PML: variants seen among roughly 807,000 people sequenced by gnomAD.
The protein encoded by PML is PML nuclear body scaffold, also known as protein PML.
In PML, 28 loss-of-function variants were observed where a neutral mutation model predicts 65.2. That is an observed-to-expected ratio of 0.43 (90% confidence interval 0.32 to 0.59). PML has a LOEUF of 0.59. PML is among the 20% of genes least tolerant of loss of function. The pLI is 0.08. For missense variants in PML, 1,021 were observed against 1,203.4 expected, an observed-to-expected ratio of 0.85 and a Z score of 2.24; for synonymous variants, 500 against 508.8, an observed-to-expected ratio of 0.98 and a Z score of 0.23.
At position 74,035,827 on chromosome 15, in the gene PML, G is replaced by C. The variant is rs1227872070; in HGVS notation, c.1710+1297G>C. ...GTTCCCCCTGGGGACTCTGTCAGAG[G>C]CTCCATGGAGGCCTCTCAAGTCCAA... is the stretch of plus-strand genomic sequence containing the variant. On this transcript the variant is annotated intron_variant, in intron 7 of 8. Transcript: ENST00000268058. This position sits in a 1 kb window ranked among gnomAD's most constrained non-coding sequence, Gnocchi z 4.1. 6.2e-7 allele frequency: 1 copy of C among 1,613,722 alleles called. No homozygotes were observed. The highest frequency in any genetic ancestry group is 1.3e-5 in the African/African-American group (1 of 74,882).
intron 4 of PML, 120 bp from the exon 5 acceptor site, chr15:74,032,452 C>T: frequency 9.6e-7 from 1 of 1,038,490 alleles, no homozygotes; most frequent in Non-Finnish European, 1.5e-6. Context: ...AGCTTTGAGT[C>T]AGGGAGCCTG....
Position 74,043,951 on chromosome 15 carries a change from C to T in PML, c.1862-270C>T, listed in dbSNP as rs1193503041. ...AGGGACCTGTATCCATGGGGTTTGG[C>T]CAACTCTGGGGCCGGTAGTGGAGGA... On this transcript the variant is annotated intron_variant, in intron 8 of 8. Coordinates refer to ENST00000268058, the MANE Select transcript of PML (RefSeq NM_033238.3). The surrounding 1 kb of genome is among the most constrained non-coding windows in gnomAD (Gnocchi z 4.3). Among the ~76,000 whole-genome samples the T allele has an allele frequency of 1.3e-5, 2 of 152,126 alleles. No homozygotes were observed. Among genetic ancestry groups the T allele is most frequent in the African/African-American group, 2.4e-5 (1 of 41,434 alleles).
At chr15:74,039,584 A>T (rs940321341) in intron 7 of PML, among the ~76,000 whole-genome samples, 1 of 152,138 alleles carries the variant, frequency 6.6e-6, no homozygotes, top group Non-Finnish European at 1.5e-5. Flanking sequence ...AGTGATAAGG[A>T]CAATTGTTCT....
Position 74,035,343 on chromosome 15 carries a change from G to T in PML, c.1710+813G>T, listed in dbSNP as rs112272650. 6 of 1,611,758 alleles carry T rather than the reference G, an allele frequency of 3.7e-6. No homozygotes were observed. The highest frequency in any genetic ancestry group is 1.3e-5 in the African/African-American group (1 of 74,774). The stretch of plus-strand genomic sequence containing the variant: ...CCCAGCTTGGCCTCCCCACCAGCCC[G>T]CTGAGCAGGCTGCCACCCCCGATGC... On this transcript the variant is annotated intron_variant, in intron 7 of 8. Transcript: ENST00000268058. This position sits in a 1 kb window ranked among gnomAD's most constrained non-coding sequence, Gnocchi z 4.1.
intron 7 of PML, among the ~76,000 whole-genome samples, chr15:74,040,833 C>T (rs879648293): frequency 2.6e-5 from 4 of 152,144 alleles, no homozygotes; most frequent in Non-Finnish European, 4.4e-5. Flanking sequence ...TTAAAGGAGA[C>T]AGTAGAGGTT....
chr15:74,018,867 G>A (rs951381929), intron 2 of PML, among the ~76,000 whole-genome samples: 19 of 152,184 alleles, frequency 1.2e-4, no homozygotes, highest in African/African-American at 3.4e-4. Context: ...CTGAAGATAC[G>A]GTTAAGTCTG....
rs962876706 is a variant in PML, at chr15:74,047,589, C to G, written c.*2581C>G. 2 of 213,984 alleles carry G rather than the reference C, an allele frequency of 9.3e-6. No homozygotes were observed. The highest frequency in any genetic ancestry group is 9.4e-6 in the Non-Finnish European group (1 of 105,966). 13.3% of individuals were successfully genotyped at this position (213,984 alleles called of 1,614,324 possible). A position where few individuals can be genotyped will look rare whatever the true frequency, so the allele number is the denominator to read the frequency against. The stretch of plus-strand genomic sequence containing the variant: ...TCAATCCTCACTTAGTAGTCTGTGG[C>G]CCTCTTTGGCACATTAACCTCCCTC... On this transcript the variant is annotated 3_prime_UTR_variant, in exon 9 of 9. Transcript: ENST00000268058.
chr15:74,042,415 G>C lies in PML; in HGVS notation c.1711-574G>C. The C allele has an allele frequency of 1.0e-6, 1 of 985,408 alleles. No individual in the cohort carries two copies. The highest frequency in any genetic ancestry group is 1.2e-6 in the Non-Finnish European group (1 of 829,918). 61.0% of individuals were successfully genotyped at this position (985,408 alleles called of 1,614,324 possible). Reference sequence around the variant, plus strand: ...TGACTTCGGGGACAAGAAAAGGCAGGCTCCCGACCCCTTCCAAAGAATCAT... The same window carrying C: ...TGACTTCGGGGACAAGAAAAGGCAGCCTCCCGACCCCTTCCAAAGAATCAT... On this transcript the variant is annotated intron_variant, in intron 7 of 8. Coordinates refer to ENST00000268058, the MANE Select transcript of PML (RefSeq NM_033238.3). This position sits in a 1 kb window ranked among gnomAD's most constrained non-coding sequence, Gnocchi z 5.3.
intron 2 of PML, among the ~76,000 whole-genome samples, chr15:74,016,171 G>A (rs536455867): frequency 6.6e-6 from 1 of 152,246 alleles, no homozygotes; most frequent in African/African-American, 2.4e-5. Flanking sequence ...CAGCTACTCA[G>A]GAGGCTGAGG....
rs773642830 is a variant in PML at position 74,043,205 on chromosome 15, A to G, written c.1861+66A>G. On this transcript the variant is annotated intron_variant, in intron 8 of 8. Transcript: ENST00000268058. This position sits in a 1 kb window ranked among gnomAD's most constrained non-coding sequence, Gnocchi z 4.3. ...GTCTCTGAGTCCCAAAAAGAAGTGC[A>G]GGCAGAGCCATCTGCCAGGCCCAGG... 13 of 1,613,648 alleles carry G rather than the reference A, an allele frequency of 8.1e-6. No individual in the cohort carries two copies. The South Asian group carries it at 1.4e-4, about 18-fold the overall frequency.
chr15:74,036,223 G>C (rs1234321827), intron 7 of PML: 13 of 1,551,720 alleles, frequency 8.4e-6, no homozygotes, highest in Non-Finnish European at 1.1e-5. Flanking sequence ...TGTCACCCTT[G>C]CACTCTCCTG....
chr15:74,019,680 T>C (rs748535727), intron 2 of PML, among the ~76,000 whole-genome samples: 2 of 152,240 alleles, frequency 1.3e-5, no homozygotes, highest in Non-Finnish European at 2.9e-5. Context: ...CACCTTGATT[T>C]CTAACTTAAA....
intron 4 of PML, chr15:74,025,818 C>T (rs563834209): frequency 6.6e-6 from 1 of 152,304 alleles, no homozygotes; most frequent in Non-Finnish European, 1.5e-5. Context: ...CATCTGGTCT[C>T]TTCCCTAGCC....
At chr15:74,019,306 G>T (rs1212697184) in intron 2 of PML, among the ~76,000 whole-genome samples, 4 of 152,232 alleles carry the variant, frequency 2.6e-5, no homozygotes, top group Admixed American at 2.6e-4. Flanking sequence ...CTCCAAGGAA[G>T]GGGATCCAAC....
At position 74,044,328 on chromosome 15, in the gene PML, G is replaced by C. The variant is rs2071746318; in HGVS notation, c.1969G>C (p.Val657Leu). 1 of 1,614,052 alleles carries C rather than the reference G, an allele frequency of 6.2e-7. No individual in the cohort carries two copies. The highest frequency in any genetic ancestry group is 8.5e-7 in the Non-Finnish European group (1 of 1,180,022). Residue 657 changes from valine (V) to leucine (L), a missense_variant, in exon 9 of 9, where the codon GTG (valine) becomes CTG (leucine). By Grantham distance (32) the Val-to-Leu change is conservative (BLOSUM62 1). Coordinates refer to ENST00000268058, the MANE Select transcript of PML (RefSeq NM_033238.3). ...SIYSKAVSLE[V>L]GLQHFLSFLS... ...CTACTCCAAGGCCGTGTCCCTGGAGGTGGGGCTGCAGCACTTCCTCAGCTT... is the reference window on the plus strand; with the variant it reads ...CTACTCCAAGGCCGTGTCCCTGGAGCTGGGGCTGCAGCACTTCCTCAGCTT...
chr15:74,011,167 C>T (rs1031144769), intron 2 of PML, among the ~76,000 whole-genome samples: 1 of 152,178 alleles, frequency 6.6e-6, no homozygotes, highest in Non-Finnish European at 1.5e-5. Context: ...TGCAACAGCT[C>T]CAGAGGTTAC....
At chr15:74,039,119 G>C (rs1331979467) in intron 7 of PML, among the ~76,000 whole-genome samples, 1 of 152,228 alleles carries the variant, frequency 6.6e-6, no homozygotes, top group Non-Finnish European at 1.5e-5. Context: ...CAAGGTGAGG[G>C]GGCAGCCTGT....
rs2071760266 is a variant in PML, at chr15:74,045,278, G to C, written c.*270G>C. ...GGAGCTAGAACCAGGGAGGTCCTGA[G>C]TGAGGAAGGCATGACCTCTGGGCTC... On this transcript the variant is annotated 3_prime_UTR_variant, in exon 9 of 9. Coordinates refer to ENST00000268058, the MANE Select transcript of PML (RefSeq NM_033238.3). 8.2e-6 allele frequency: 4 copies of C among 485,882 alleles called. No individual in the cohort carries two copies. Among genetic ancestry groups the C allele is most frequent in the Non-Finnish European group, 1.5e-5 (4 of 271,750 alleles). The allele number at this position is 485,882 out of a possible 1,614,324, so 30.1% of individuals were successfully genotyped here.
At chr15:74,032,541 C>T in intron 4 of PML, 31 bp from the exon 5 acceptor site, 4 of 1,613,878 alleles carry the variant, frequency 2.5e-6, no homozygotes, top group Non-Finnish European at 3.4e-6. Flanking sequence ...GCTGCCTAGT[C>T]ATTTCTGACT....
Sources: gnomAD v4.1 joint callset for allele counts (sites outside exome capture counted in the v4.1 genomes callset) on GRCh38, gnomAD v4.1.1 for gene constraint, Gnocchi (gnomAD v3.1) non-coding constraint, MANE v1.5 for transcripts, NCBI Gene and HGNC (gene_info 2026-07-23, HGNC 2026-07-21) for gene names.